Variants in SPRED1 observed in about 807,000 individuals in gnomAD.
SPRED1 encodes sprouty-related, EVH1 domain-containing protein 1.
In SPRED1, 18 loss-of-function variants were observed where a neutral mutation model predicts 52.3. That is an observed-to-expected ratio of 0.34 (90% CI 0.24 to 0.51). SPRED1 has a LOEUF of 0.51. SPRED1 is among the 20% of genes least tolerant of loss of function. The pLI, the probability that SPRED1 is intolerant of heterozygous loss-of-function variation, is 0.97. For synonymous variants in SPRED1, 155 were observed against 179.7 expected (o/e 0.86, Z 1.10); for missense variants, 485 against 551.0 (o/e 0.88, Z 1.20).
chr15:38,296,997 C>T (rs1895054322), intron 1 of SPRED1, among the ~76,000 whole-genome samples: 1 of 152,142 alleles, frequency 6.6e-6, no homozygotes, highest in Non-Finnish European at 1.5e-5. Flanking sequence ...TCCTCCCCTC[C>T]AGAGGTCACA....
At chr15:38,325,330 G>A (rs911165330) in intron 4 of SPRED1, among the ~76,000 whole-genome samples, 5 of 152,108 alleles carry the variant, frequency 3.3e-5, no homozygotes, top group African/African-American at 7.2e-5. Context: ...TTTAAATTGG[G>A]TACTATCCTT....
intron 5 of SPRED1, among the ~76,000 whole-genome samples, chr15:38,347,647 C>T (rs1355504957): frequency 1.3e-5 from 2 of 151,726 alleles, no homozygotes; most frequent in Admixed American, 1.3e-4. Flanking sequence ...CTGTTTAGCT[C>T]TTCTTCTGTA....
chr15:38,291,706 C>T (rs1237144803), intron 1 of SPRED1, among the ~76,000 whole-genome samples: 1 of 152,218 alleles, frequency 6.6e-6, no homozygotes, highest in Admixed American at 6.5e-5. Flanking sequence ...CTATGTTGGC[C>T]CCTTTCAGCC....
chr15:38,258,015 C>T (rs1041917299), intron 1 of SPRED1, among the ~76,000 whole-genome samples: 3 of 152,066 alleles, frequency 2.0e-5, no homozygotes, highest in Admixed American at 6.6e-5. Flanking sequence ...GGAACAGGAA[C>T]GACATTAAAA....
intron 2 of SPRED1, among the ~76,000 whole-genome samples, chr15:38,307,609 T>C (rs1895275551): frequency 6.6e-6 from 1 of 152,176 alleles, no homozygotes; most frequent in South Asian, 2.1e-4. Context: ...ACATATGAAT[T>C]TGAGGGGAGC....
chr15:38,313,608 GTTACA>G (rs1484972329), intron 2 of SPRED1, among the ~76,000 whole-genome samples: 3 of 151,056 alleles, frequency 2.0e-5, no homozygotes, highest in East Asian at 1.9e-4. Flanking sequence ...CATATTATCC[GTTACA>G]TTATATTATA....
intron 1 of SPRED1, among the ~76,000 whole-genome samples, chr15:38,286,404 T>G (rs1894811539): frequency 6.6e-6 from 1 of 152,256 alleles, no homozygotes; most frequent in African/African-American, 2.4e-5. Flanking sequence ...ACCACTATAT[T>G]GCATTCTTTT....
rs1895994329 is a variant in SPRED1, at chr15:38,339,818, A to G, written c.505A>G (p.Arg169Gly). Residue 169 changes from arginine to glycine, a missense_variant, in exon 5 of 7, where the codon AGA becomes GGA. Arg to Gly is a moderately radical substitution (Grantham distance 125). Coordinates refer to ENST00000299084, the MANE Select transcript of SPRED1 (RefSeq NM_152594.3). The stretch of plus-strand genomic sequence containing the variant: ...GACAGTTGTTACCAGTGAGCCTTAT[A>G]GAAGCTCAAATATAAGACCTTCTCC... ...QETVVTSEPY[R>G]SSNIRPSPFE... is the part of the protein sequence containing the mutation. 1.9e-6 allele frequency: 3 copies of G among 1,613,826 alleles called. No individual in the cohort carries two copies. Among genetic ancestry groups the G allele is most frequent in the Non-Finnish European group, 2.5e-6 (3 of 1,179,906 alleles).
At chr15:38,257,202 A>G (rs1595710334) in intron 1 of SPRED1, among the ~76,000 whole-genome samples, 1 of 151,834 alleles carries the variant, frequency 6.6e-6, no homozygotes, top group East Asian at 1.9e-4. Flanking sequence ...ACATATGTAT[A>G]TTAGTTTTAA....
chr15:38,312,086 CA>C (rs1390577867), intron 2 of SPRED1, among the ~76,000 whole-genome samples: 9 of 151,966 alleles, frequency 5.9e-5, no homozygotes, highest in Non-Finnish European at 1.2e-4. Context: ...TTAAATTATT[CA>C]AATTTATACA....
chr15:38,275,649 C>T (rs746152038), intron 1 of SPRED1, among the ~76,000 whole-genome samples: 4 of 152,152 alleles, frequency 2.6e-5, no homozygotes, highest in Non-Finnish European at 4.4e-5. Flanking sequence ...AGGTGCGCAC[C>T]ATCATGCCCA....
chr15:38,319,891 C>T (rs1487135633), intron 2 of SPRED1, among the ~76,000 whole-genome samples: 1 of 152,104 alleles, frequency 6.6e-6, no homozygotes, highest in Non-Finnish European at 1.5e-5. Context: ...GGACACAAGT[C>T]AATGATTTAT....
intron 1 of SPRED1, chr15:38,268,079 A>T (rs1241709650): frequency 1.3e-5 from 2 of 152,240 alleles, no homozygotes; most frequent in Admixed American, 6.5e-5. Flanking sequence ...CTTATAAAAG[A>T]TTAATTTGCA....
rs1244506577 is a variant in SPRED1 at position 38,253,123 on chromosome 15, T to C, written c.-63T>C. On this transcript the variant is annotated 5_prime_UTR_variant, in exon 1 of 7. Coordinates refer to ENST00000299084, the MANE Select transcript of SPRED1 (RefSeq NM_152594.3). The stretch of plus-strand genomic sequence containing the variant: ...GCCGCTGCCTCCTGCCCCTCGGTGC[T>C]GCTGTTGCTCCCCCGCCTGCTGTTG... The C allele has an allele frequency of 2.7e-6, 4 of 1,496,422 alleles. No individual in the cohort carries two copies. Among genetic ancestry groups the C allele is most frequent in the Non-Finnish European group, 3.6e-6 (4 of 1,097,006 alleles). 92.7% of individuals were successfully genotyped at this position (1,496,422 alleles called of 1,614,324 possible). A position where few individuals can be genotyped will look rare whatever the true frequency, so the allele number is the denominator to read the frequency against.
chr15:38,340,692 G>A (rs773399917), intron 5 of SPRED1, among the ~76,000 whole-genome samples: 1 of 151,868 alleles, frequency 6.6e-6, no homozygotes, highest in Admixed American at 6.6e-5. Flanking sequence ...GCCACCACAC[G>A]TGGCTAATTT....
intron 1 of SPRED1, among the ~76,000 whole-genome samples, chr15:38,269,202 A>G (rs527806294): frequency 1.3e-5 from 2 of 152,054 alleles, no homozygotes; most frequent in Non-Finnish European, 2.9e-5. Flanking sequence ...TCAGCCTCCC[A>G]AAGTGCTGGG....
chr15:38,266,823 A>G (rs1389385256), intron 1 of SPRED1, among the ~76,000 whole-genome samples: 1 of 105,594 alleles, frequency 9.5e-6, no homozygotes, highest in African/African-American at 3.0e-5. Context: ...CTGAGCTTCT[A>G]AGTGAGCCAA....
intron 2 of SPRED1, among the ~76,000 whole-genome samples, chr15:38,309,792 A>G (rs1333505754): frequency 6.6e-6 from 1 of 152,306 alleles, no homozygotes; most frequent in Middle Eastern, 3.4e-3. Flanking sequence ...TGATACTTAG[A>G]TCAAGGGGTT....
chr15:38,304,371 G>A (rs1363644506), intron 2 of SPRED1, among the ~76,000 whole-genome samples: 1 of 152,148 alleles, frequency 6.6e-6, no homozygotes, highest in Non-Finnish European at 1.5e-5. Context: ...TTTTCCTTAG[G>A]ATTCAGCCTT....
Sources: allele counts gnomAD v4.1 joint callset (sites outside exome capture counted in the v4.1 genomes callset), GRCh38; gene constraint gnomAD v4.1.1; transcripts MANE v1.5; gene names NCBI Gene and HGNC (gene_info 2026-07-23, HGNC 2026-07-21).